Variants in GPC6 observed in about 807,000 individuals in gnomAD.
GPC6 encodes the protein glypican 6.
Under a neutral mutation model 55.2 loss-of-function variants are expected in GPC6, and 14 were observed. That is an observed-to-expected ratio of 0.25 (90% CI 0.17 to 0.40). The LOEUF (loss-of-function observed/expected upper bound fraction) is 0.40. Among genes scored for constraint, GPC6 ranks in the 10% least tolerant of loss-of-function variants. GPC6 has a pLI of 1.00. For synonymous variants in GPC6, 278 were observed against 259.6 expected (o/e 1.07, Z -0.68); for missense variants, 641 against 708.5 (o/e 0.90, Z 1.08).
intron 6 of GPC6, among the ~76,000 whole-genome samples, chr13:94,357,062 C>A (rs144654918): frequency 2.0e-4 from 30 of 152,244 alleles, no homozygotes; most frequent in Non-Finnish European, 2.9e-4. Context: ...GCTTTCCCAG[C>A]GCCATACCTG....
At chr13:94,296,619 G>A (rs941207128) in intron 5 of GPC6, among the ~76,000 whole-genome samples, 3 of 152,154 alleles carry the variant, frequency 2.0e-5, no homozygotes, top group African/African-American at 7.2e-5. Context: ...TATGCAATCT[G>A]GTTTGGTTCT....
At chr13:93,494,715 C>A (rs1459147642) in intron 1 of GPC6, among the ~76,000 whole-genome samples, 1 of 151,798 alleles carries the variant, frequency 6.6e-6, no homozygotes, top group Non-Finnish European at 1.5e-5. Flanking sequence ...TCAGGGCAGG[C>A]CTGGTGGTGA....
intron 1 of GPC6, among the ~76,000 whole-genome samples, chr13:93,287,665 G>C (rs1257168647): frequency 1.3e-5 from 2 of 152,160 alleles, no homozygotes; most frequent in African/African-American, 2.4e-5. Context: ...ATATTAGAAG[G>C]TGTAATTGAG....
chr13:94,373,621 C>A (rs1193633622), intron 6 of GPC6, among the ~76,000 whole-genome samples: 2 of 152,034 alleles, frequency 1.3e-5, no homozygotes, highest in African/African-American at 4.8e-5. Context: ...GAGAATGGAA[C>A]CAAGTTGGAA....
At chr13:93,694,558 A>T (rs1882379280) in intron 2 of GPC6, among the ~76,000 whole-genome samples, 2 of 152,184 alleles carry the variant, frequency 1.3e-5, no homozygotes, top group African/African-American at 4.8e-5. Flanking sequence ...GGTAATGCTC[A>T]CAAAATGCCT....
chr13:93,700,347 G>A (rs1292579804), intron 2 of GPC6, among the ~76,000 whole-genome samples: 1 of 152,048 alleles, frequency 6.6e-6, no homozygotes, highest in African/African-American at 2.4e-5. Context: ...TCAAAGCAGA[G>A]TCAGTGAAAA....
chr13:94,046,223 G>A (rs1453939198), intron 4 of GPC6, among the ~76,000 whole-genome samples: 1 of 152,016 alleles, frequency 6.6e-6, no homozygotes, highest in Non-Finnish European at 1.5e-5. Context: ...AGAATTACAT[G>A]TATAAAATGT....
chr13:94,208,187 A>G (rs1311009940), intron 4 of GPC6, among the ~76,000 whole-genome samples: 1 of 152,190 alleles, frequency 6.6e-6, no homozygotes, highest in Non-Finnish European at 1.5e-5. Flanking sequence ...ATTCTTGCGT[A>G]TACAAATAAT....
At chr13:93,605,716 C>T (rs1041495681) in intron 2 of GPC6, among the ~76,000 whole-genome samples, 7 of 150,674 alleles carry the variant, frequency 4.6e-5, no homozygotes, top group African/African-American at 1.7e-4. Flanking sequence ...ATGGCGGGTG[C>T]CTCTAATCCC....
intron 4 of GPC6, among the ~76,000 whole-genome samples, chr13:94,087,788 G>C (rs1225752065): frequency 6.6e-6 from 1 of 152,170 alleles, no homozygotes; most frequent in African/African-American, 2.4e-5. Flanking sequence ...CGACATCATA[G>C]TCATCTTTGA....
chr13:94,047,948 T>C (rs1050163165), intron 4 of GPC6, among the ~76,000 whole-genome samples: 1 of 152,052 alleles, frequency 6.6e-6, no homozygotes, highest in Non-Finnish European at 1.5e-5. Flanking sequence ...TAGACATTTA[T>C]TTCACAGATT....
Position 94,261,772 on chromosome 13 carries a change from G to C in GPC6, c.878-24577G>C, listed in dbSNP as rs1891664765. On this transcript the variant is annotated intron_variant, in intron 4 of 8. Coordinates refer to ENST00000377047, the MANE Select transcript of GPC6 (RefSeq NM_005708.5). The stretch of plus-strand genomic sequence containing the variant: ...AGTCAGTAGCGTCCAGTGTGACAGA[G>C]AGGACAGACACTGGCAGTTAATCAG... Among the ~76,000 whole-genome samples, 4 of 152,348 alleles carry C rather than the reference G, an allele frequency of 2.6e-5. No individual in the cohort carries two copies. In the South Asian group the frequency reaches 8.3e-4, roughly 32 times the overall value.
At chr13:94,292,035 C>A (rs185855289) in intron 5 of GPC6, among the ~76,000 whole-genome samples, 1 of 152,250 alleles carries the variant, frequency 6.6e-6, no homozygotes, top group African/African-American at 2.4e-5. Context: ...ACTGCCAACT[C>A]GTATTTATTG....
At chr13:93,432,161 C>G (rs1003600506) in intron 1 of GPC6, among the ~76,000 whole-genome samples, 1 of 152,106 alleles carries the variant, frequency 6.6e-6, no homozygotes, top group East Asian at 1.9e-4. Context: ...TGAGCACACC[C>G]TACCAAGCTG....
At chr13:94,289,630 C>A (rs963430125) in intron 5 of GPC6, among the ~76,000 whole-genome samples, 14 of 152,110 alleles carry the variant, frequency 9.2e-5, no homozygotes, top group Admixed American at 8.5e-4. Flanking sequence ...GATGTTCCTC[C>A]TTTACATTGC....
At chr13:94,355,166 G>T (rs1263780348) in intron 6 of GPC6, among the ~76,000 whole-genome samples, 1 of 152,030 alleles carries the variant, frequency 6.6e-6, no homozygotes, top group Non-Finnish European at 1.5e-5. Flanking sequence ...TGGGATTACA[G>T]GCACCCACCA....
At chr13:93,255,870 A>C (rs1876934301) in intron 1 of GPC6, among the ~76,000 whole-genome samples, 1 of 152,192 alleles carries the variant, frequency 6.6e-6, no homozygotes, top group Non-Finnish European at 1.5e-5. Context: ...CCTGTGGCTC[A>C]TGCCTGTAAT....
chr13:93,917,464 A>C (rs1333377179), intron 3 of GPC6, among the ~76,000 whole-genome samples: 9 of 152,228 alleles, frequency 5.9e-5, no homozygotes, highest in African/African-American at 2.2e-4. Flanking sequence ...TGCACCATGA[A>C]ATCTAATATA....
At chr13:93,400,027 C>G (rs1430566737) in intron 1 of GPC6, among the ~76,000 whole-genome samples, 1 of 152,088 alleles carries the variant, frequency 6.6e-6, no homozygotes, top group Non-Finnish European at 1.5e-5. Context: ...AAAGCTACCT[C>G]CCATGAAAGC....
Sources: allele counts gnomAD v4.1 joint callset (sites outside exome capture counted in the v4.1 genomes callset), GRCh38; gene constraint gnomAD v4.1.1; transcripts MANE v1.5; gene names NCBI Gene and HGNC (gene_info 2026-07-23, HGNC 2026-07-21).